CDH1: variants seen among roughly 807,000 people sequenced by gnomAD.
CDH1 encodes the protein cadherin-1.
Under a neutral mutation model 84.5 loss-of-function variants are expected in CDH1, and 35 were observed. The ratio of observed to expected loss-of-function variants is 0.41; its 90% CI spans 0.32 to 0.55. CDH1 has a LOEUF of 0.55. Ranked by LOEUF, CDH1 falls within the 20% of genes least tolerant of loss-of-function variation. The probability of loss-of-function intolerance (pLI) is 0.19; values close to 1 mark genes in which losing one functional copy is unlikely to be tolerated. For synonymous variants in CDH1, 417 were observed against 439.0 expected (o/e 0.95, Z 0.63); for missense variants, 994 against 1,126.6 (o/e 0.88, Z 1.68).
At chr16:68,829,937 CTTTTTCTTTT>C in intron 15 of CDH1, 140 bp downstream of exon 15, 4 of 741,504 alleles carry the variant, frequency 5.4e-6, no homozygotes, top group Middle Eastern at 3.8e-4. Flanking sequence ...CCCTGTTTTC[CTTTTTCTTTT>C]TTTTTCTTTT....
chr16:68,772,539 G>A (rs1959607307), intron 2 of CDH1, among the ~76,000 whole-genome samples: 1 of 152,102 alleles, frequency 6.6e-6, no homozygotes, highest in Non-Finnish European at 1.5e-5. Flanking sequence ...CTGGCTCTGG[G>A]CTAACCCGCA....
At chr16:68,810,590 A>C (rs1960794883) in intron 6 of CDH1, among the ~76,000 whole-genome samples, 1 of 150,324 alleles carries the variant, frequency 6.7e-6, no homozygotes, top group South Asian at 2.1e-4. Context: ...TAGGCTGGGC[A>C]TGGTGGCTCA....
chr16:68,775,715 G>C (rs992379236), intron 2 of CDH1, among the ~76,000 whole-genome samples: 1 of 152,184 alleles, frequency 6.6e-6, no homozygotes, highest in African/African-American at 2.4e-5. Context: ...CATCTGAAGC[G>C]TCTAAGATAA....
chr16:68,788,269 A>G (rs1464491950), intron 2 of CDH1, among the ~76,000 whole-genome samples: 1 of 152,174 alleles, frequency 6.6e-6, no homozygotes, highest in Non-Finnish European at 1.5e-5. Flanking sequence ...TAATAGCTAT[A>G]TATTTCTTAC....
intron 10 of CDH1, among the ~76,000 whole-genome samples, chr16:68,815,970 CTT>C (rs1443331765): frequency 1.3e-5 from 2 of 152,158 alleles, no homozygotes; most frequent in African/African-American, 4.8e-5. Flanking sequence ...TGCTGCCTCT[CTT>C]TGAGCTCTTG....
At position 68,833,996 on chromosome 16, in the gene CDH1, G is replaced by A. The variant is rs527608613; in HGVS notation, c.*497G>A. The A allele has an allele frequency of 7.6e-5, 24 of 317,064 alleles. No homozygotes were observed. Among genetic ancestry groups the A allele is most frequent in the South Asian group, 5.5e-4 (13 of 23,594 alleles). 19.6% of individuals were successfully genotyped at this position (317,064 alleles called of 1,614,324 possible). ...TTTTAAGACAGGGTCTCATTCTATC[G>A]GCCAGGCTGGAGTGCAGTGGTGCAA... On this transcript the variant is annotated 3_prime_UTR_variant, in exon 16 of 16. Coordinates refer to ENST00000261769, the MANE Select transcript of CDH1 (RefSeq NM_004360.5).
chr16:68,792,574 G>A (rs559779130), intron 2 of CDH1, among the ~76,000 whole-genome samples: 1 of 152,244 alleles, frequency 6.6e-6, no homozygotes, highest in Admixed American at 6.5e-5. Context: ...CCTTCCCCCC[G>A]GGCTGGTTCT....
intron 2 of CDH1, among the ~76,000 whole-genome samples, chr16:68,767,082 G>T (rs1959412966): frequency 6.6e-6 from 1 of 152,020 alleles, no homozygotes; most frequent in Admixed American, 6.6e-5. Flanking sequence ...TTTAGCTGTG[G>T]TCTGCTGTGA....
At chr16:68,764,330 A>C (rs1173203195) in intron 2 of CDH1, among the ~76,000 whole-genome samples, 2 of 152,200 alleles carry the variant, frequency 1.3e-5, no homozygotes, top group African/African-American at 4.8e-5. Context: ...TAATCCCAGC[A>C]CTTTGGGAGG....
chr16:68,738,437 G>C, intron 2 of CDH1, 26 bp downstream of exon 2: 3 of 1,479,796 alleles, frequency 2.0e-6, no homozygotes, highest in Non-Finnish European at 2.8e-6. Context: ...CGGTGTCCCT[G>C]GGCGGAGTAG....
At chr16:68,745,674 C>T (rs1287545611) in intron 2 of CDH1, among the ~76,000 whole-genome samples, 2 of 142,282 alleles carry the variant, frequency 1.4e-5, no homozygotes, top group African/African-American at 5.3e-5. Context: ...TGTCTGTTCT[C>T]CTGCTGCCAA....
At chr16:68,780,169 CCCTT>C (rs1200802742) in intron 2 of CDH1, among the ~76,000 whole-genome samples, 4 of 152,134 alleles carry the variant, frequency 2.6e-5, no homozygotes, top group African/African-American at 9.7e-5. Context: ...CTCCTTCCCT[CCCTT>C]CCAGCAAGTC....
rs761516528 is a variant in CDH1 at position 68,811,769 on chromosome 16, C to T, written c.918C>T (p.Ser306=). Residue 306 remains serine, a synonymous_variant, in exon 7 of 16, where the codon AGC becomes AGT. Coordinates refer to ENST00000261769, the MANE Select transcript of CDH1 (RefSeq NM_004360.5). The part of the protein sequence containing the change: ...YNAAIAYTIL[S]QDPELPDKNM... The stretch of plus-strand genomic sequence containing the variant: ...CCGCCATCGCTTACACCATCCTCAG[C>T]CAAGATCCTGAGCTCCCTGACAAAA... 31 of 1,614,102 alleles carry T rather than the reference C, an allele frequency of 1.9e-5. No individual in the cohort carries two copies. The South Asian group carries it at 3.1e-4, about 16-fold the overall frequency.
At chr16:68,785,985 A>G (rs1454002335) in intron 2 of CDH1, among the ~76,000 whole-genome samples, 1 of 152,192 alleles carries the variant, frequency 6.6e-6, no homozygotes, top group East Asian at 1.9e-4. Flanking sequence ...AACCAGGAAA[A>G]TAAAAGGCTG....
At position 68,835,192 on chromosome 16, in the gene CDH1, G is replaced by T. The variant is rs138279201; in HGVS notation, c.*1693G>T. On this transcript the variant is annotated 3_prime_UTR_variant, in exon 16 of 16. Transcript: ENST00000261769. ...AAAGGGGGTTAGTTGAGGGGTAGGG[G>T]GTAGTGAGGATCTTGATTTGGATCT... 157 of 231,198 alleles carry T rather than the reference G, an allele frequency of 6.8e-4. No individual in the cohort carries two copies. The highest frequency in any genetic ancestry group is 2.6e-3 in the Middle Eastern group (2 of 776). The allele number at this position is 231,198 out of a possible 1,614,324, so 14.3% of individuals were successfully genotyped here. A position where few individuals can be genotyped will look rare whatever the true frequency, so the allele number is the denominator to read the frequency against.
intron 2 of CDH1, among the ~76,000 whole-genome samples, chr16:68,774,562 C>T (rs528511041): frequency 1.2e-4 from 18 of 152,118 alleles, no homozygotes; most frequent in African/African-American, 3.9e-4. Context: ...CAGCCTGGAC[C>T]CTTTGCATTC....
chr16:68,813,522 G>T, intron 9 of CDH1, 27 bp downstream of exon 9: 1 of 1,608,712 alleles, frequency 6.2e-7, no homozygotes. Flanking sequence ...GCAAGATGCA[G>T]AAACTGGCAT....
chr16:68,795,487 TTTTG>T lies in CDH1; in HGVS notation c.164-6167_164-6164del, dbSNP rs571242910. ...CCATGCCTGGCTAGTTCTCTGATTT[TTTTG>T]TTTGTTTGTTTGTTTTTGAGATGGA... On this transcript the variant is annotated intron_variant, in intron 2 of 15. Transcript: ENST00000261769. Among the ~76,000 whole-genome samples, 51 of 152,140 alleles carry T rather than the reference TTTTG, an allele frequency of 3.4e-4. No individual in the cohort carries two copies. In the South Asian group the frequency reaches 9.8e-3, roughly 29 times the overall value.
intron 14 of CDH1, among the ~76,000 whole-genome samples, chr16:68,828,528 C>A (rs569688315): frequency 1.3e-5 from 2 of 152,168 alleles, no homozygotes; most frequent in African/African-American, 4.8e-5. Context: ...CCTCAGTGAG[C>A]GAGCTGAGGC....
Sources: gnomAD v4.1 joint callset for allele counts (sites outside exome capture counted in the v4.1 genomes callset) on GRCh38, gnomAD v4.1.1 for gene constraint, MANE v1.5 for transcripts, NCBI Gene and HGNC (gene_info 2026-07-23, HGNC 2026-07-21) for gene names.